HP1BP3: variants seen among roughly 807,000 people sequenced by gnomAD.
HP1BP3 encodes heterochromatin protein 1-binding protein 3.
HP1BP3 carries 12 observed loss-of-function variants against 62.5 expected under a neutral mutation model. That is an observed-to-expected ratio of 0.19 (90% CI 0.12 to 0.31). The LOEUF is 0.31. Ranked by LOEUF, HP1BP3 falls within the 10% of genes least tolerant of loss-of-function variation. The pLI is 1.00. For missense variants in HP1BP3, 502 were observed against 651.8 expected (o/e 0.77, Z 2.50); for synonymous variants, 260 against 237.8 (o/e 1.09, Z -0.86).
At position 20,780,360 on chromosome 1, in the gene HP1BP3, C is replaced by G; in HGVS notation, c.81G>C (p.Ala27=). Residue 27 remains alanine (A), a synonymous_variant, in exon 2 of 13, where the codon GCG becomes GCC. Coordinates refer to ENST00000438032, the MANE Select transcript of HP1BP3 (RefSeq NM_001372052.1). ...CAGCCCCTACCTCACCTAACTTGTC[C>G]GCGTGGATCAGCTGAGCTCCTACTA... The part of the protein sequence containing the change: ...PLIVGAQLIH[A]DKLGEKVEDS... The G allele has an allele frequency of 6.2e-7, 1 of 1,613,150 alleles. No individual in the cohort carries two copies. Among genetic ancestry groups the G allele is most frequent in the Non-Finnish European group, 8.5e-7 (1 of 1,179,132 alleles).
At chr1:20,784,613 A>G (rs1216727914) in intron 1 of HP1BP3, among the ~76,000 whole-genome samples, 4 of 151,088 alleles carry the variant, frequency 2.6e-5, no homozygotes, top group Non-Finnish European at 4.4e-5. Flanking sequence ...AGTAGCTGGG[A>G]CTACAGGCGT....
At chr1:20,746,184 A>ATGTG (rs1467250353) in intron 11 of HP1BP3, among the ~76,000 whole-genome samples, 8 of 63,520 alleles carry the variant, frequency 1.3e-4, no homozygotes, top group African/African-American at 6.1e-4. Context: ...ATACATACAT[A>ATGTG]TATGTGTGTG....
At chr1:20,771,175 C>A in intron 5 of HP1BP3, 102 bp from the exon 6 acceptor site, 2 of 929,994 alleles carry the variant, frequency 2.2e-6, no homozygotes, top group Middle Eastern at 2.2e-4. Context: ...TGATAGATGA[C>A]AAAAACGGTA....
intron 3 of HP1BP3, among the ~76,000 whole-genome samples, chr1:20,777,364 C>T (rs1170218306): frequency 2.6e-5 from 4 of 152,000 alleles, no homozygotes; most frequent in Non-Finnish European, 5.9e-5. Context: ...AAAGTATATG[C>T]TTGAAGAATT....
intron 6 of HP1BP3, among the ~76,000 whole-genome samples, 194 bp from the exon 7 acceptor site, chr1:20,767,858 T>G (rs2056861976): frequency 6.6e-6 from 1 of 152,006 alleles, no homozygotes; most frequent in South Asian, 2.1e-4. Flanking sequence ...TGATGCTGAG[T>G]AATACTGGAC....
chr1:20,768,243 G>A (rs2056882262), intron 6 of HP1BP3, among the ~76,000 whole-genome samples: 1 of 151,408 alleles, frequency 6.6e-6, no homozygotes. Flanking sequence ...TCAGGAGATC[G>A]ACACCATCCT....
intron 10 of HP1BP3, 122 bp downstream of exon 10, chr1:20,749,601 C>CACCCGCCT (rs1473354017): frequency 3.4e-6 from 3 of 894,632 alleles, no homozygotes; most frequent in Non-Finnish European, 5.1e-6. Context: ...CCTCGTGATC[C>CACCCGCCT]ACCCGCCTCA....
At chr1:20,755,541 CTCTAGCCTGGG>C in intron 9 of HP1BP3, 1 of 274,034 alleles carries the variant, frequency 3.6e-6, no homozygotes, top group South Asian at 3.1e-5. Context: ...CACCACTGCA[CTCTAGCCTGGG>C]TGACAGAGTG....
At chr1:20,780,742 G>A (rs1475202011) in intron 1 of HP1BP3, among the ~76,000 whole-genome samples, 1 of 152,034 alleles carries the variant, frequency 6.6e-6, no homozygotes, top group African/African-American at 2.4e-5. Flanking sequence ...CATAAGCCAC[G>A]GCAGCTGTTG....
chr1:20,744,962 A>C lies in HP1BP3; in HGVS notation c.1497T>G (p.Pro499=). Residue 499 remains proline, a synonymous_variant, in exon 13 of 13, where the codon CCT becomes CCG. Transcript: ENST00000438032. ...TCTTGGCAGGCGTTTTGGCCTTAGGAGGTGCTTTCTTAGGCAAGGGCCTAG... is the reference window on the plus strand; with the variant it reads ...TCTTGGCAGGCGTTTTGGCCTTAGGCGGTGCTTTCTTAGGCAAGGGCCTAG... ...GKARPLPKKA[P]PKAKTPAKKT... The C allele has an allele frequency of 6.2e-7, 1 of 1,614,050 alleles. No individual in the cohort carries two copies. Among genetic ancestry groups the C allele is most frequent in the Non-Finnish European group, 8.5e-7 (1 of 1,180,018 alleles).
rs2057787711 is a variant in HP1BP3 at position 20,785,640 on chromosome 1, A to G, written c.-101+1555T>C. Reference sequence around the variant, plus strand: ...GACACTACAGTGTCTCATCTCAATAAAATCACAATCTAACTGGGTAAGGAG... The same window carrying G: ...GACACTACAGTGTCTCATCTCAATAGAATCACAATCTAACTGGGTAAGGAG... On this transcript the variant is annotated intron_variant, in intron 1 of 12. Coordinates refer to ENST00000438032, the MANE Select transcript of HP1BP3 (RefSeq NM_001372052.1). 2.0e-5 allele frequency among the ~76,000 whole-genome samples: 3 copies of G among 152,304 alleles called. No individual in the cohort carries two copies. In the South Asian group the frequency reaches 6.2e-4, roughly 32 times the overall value.
At chr1:20,771,194 T>C (rs1333720094) in intron 5 of HP1BP3, 121 bp from the exon 6 acceptor site, 4 of 755,374 alleles carry the variant, frequency 5.3e-6, no homozygotes, top group South Asian at 1.7e-5. Flanking sequence ...TAGGGAAGAA[T>C]GAACTTCAGA....
At chr1:20,772,488 C>T (rs1381876770) in intron 5 of HP1BP3, among the ~76,000 whole-genome samples, 1 of 152,048 alleles carries the variant, frequency 6.6e-6, no homozygotes. Context: ...TAATCTAGAC[C>T]AATAAAGTTT....
Position 20,744,545 on chromosome 1 carries a change from G to C in HP1BP3, c.*252C>G. 2.5e-6 allele frequency: 1 copy of C among 392,676 alleles called. No individual in the cohort carries two copies. The allele number at this position is 392,676 out of a possible 1,614,324, so 24.3% of individuals were successfully genotyped here. ...TGGGGGAGGCAGAGAAAAAGGACAA[G>C]TATACATTACATAGTTTAGGAAAGT... is the stretch of plus-strand genomic sequence containing the variant. On this transcript the variant is annotated 3_prime_UTR_variant, in exon 13 of 13. Transcript: ENST00000438032.
chr1:20,766,918 G>C (rs189057327), intron 7 of HP1BP3, among the ~76,000 whole-genome samples: 3 of 152,082 alleles, frequency 2.0e-5, no homozygotes, highest in Non-Finnish European at 4.4e-5. Context: ...ACTCCAGCCC[G>C]GGCAATAGAG....
At position 20,740,757 on chromosome 1, in the gene HP1BP3, G is replaced by T. The variant is rs2055058984; in HGVS notation, c.*4040C>A. On this transcript the variant is annotated 3_prime_UTR_variant, in exon 13 of 13. Coordinates refer to ENST00000438032, the MANE Select transcript of HP1BP3 (RefSeq NM_001372052.1). Reference sequence around the variant, plus strand: ...TGCTTGAGCACACGAGTTCAAAGCTGCAGTGAGCCAAGATCACACCACTGC... The same window carrying T: ...TGCTTGAGCACACGAGTTCAAAGCTTCAGTGAGCCAAGATCACACCACTGC... Among the ~76,000 whole-genome samples the T allele has an allele frequency of 6.6e-6, 1 of 152,214 alleles. No homozygotes were observed. The highest frequency in any genetic ancestry group is 2.4e-5 in the African/African-American group (1 of 41,454).
intron 8 of HP1BP3, among the ~76,000 whole-genome samples, 171 bp downstream of exon 8, chr1:20,765,206 G>A (rs1004874674): frequency 6.7e-6 from 1 of 149,130 alleles, no homozygotes; most frequent in Admixed American, 6.7e-5. Flanking sequence ...AATTATACAT[G>A]GAGATATGAA....
chr1:20,776,883 A>G (rs1351458085), intron 3 of HP1BP3, 133 bp from the exon 4 acceptor site: 1 of 662,358 alleles, frequency 1.5e-6, no homozygotes, highest in African/African-American at 1.9e-5. Flanking sequence ...ATGAAAATGA[A>G]TGACCACTAA....
chr1:20,784,911 T>G (rs2057753220), intron 1 of HP1BP3, among the ~76,000 whole-genome samples: 1 of 152,234 alleles, frequency 6.6e-6, no homozygotes, highest in Non-Finnish European at 1.5e-5. Context: ...ATTTGCTTTT[T>G]GTCAAGGGAA....
Sources: allele counts gnomAD v4.1 joint callset (sites outside exome capture counted in the v4.1 genomes callset), GRCh38; gene constraint gnomAD v4.1.1; transcripts MANE v1.5; gene names NCBI Gene and HGNC (gene_info 2026-07-23, HGNC 2026-07-21).